Variants in CCDC85A observed in about 807,000 individuals in gnomAD.
The protein encoded by CCDC85A is coiled-coil domain-containing protein 85A.
A neutral mutation model predicts 50.2 loss-of-function variants in CCDC85A; 38 were observed. The ratio of observed to expected loss-of-function variants is 0.76; its 90% CI spans 0.58 to 0.99. The LOEUF (loss-of-function observed/expected upper bound fraction) is 0.99, where lower values mean the gene tolerates loss of function less well. Ranked by LOEUF, CCDC85A falls within the 50% of genes least tolerant of loss-of-function variation. CCDC85A has a pLI of 0.00. For missense variants in CCDC85A, 820 were observed against 742.0 expected, an observed-to-expected ratio of 1.11 and a Z score of -1.22; for synonymous variants, 366 against 301.4, an observed-to-expected ratio of 1.21 and a Z score of -2.22.
chr2:56,305,381 T>A (rs1367647322), intron 2 of CCDC85A, among the ~76,000 whole-genome samples: 1 of 152,150 alleles, frequency 6.6e-6, no homozygotes, highest in Non-Finnish European at 1.5e-5. Flanking sequence ...CACAGAGAGG[T>A]TAAGTAACCT....
intron 3 of CCDC85A, among the ~76,000 whole-genome samples, chr2:56,359,259 G>T (rs546200082): frequency 2.6e-5 from 4 of 152,166 alleles, no homozygotes; most frequent in Non-Finnish European, 5.9e-5. Flanking sequence ...TGAGCAAGAG[G>T]CAAGGTATTT....
At chr2:56,276,713 G>C (rs188274270) in intron 2 of CCDC85A, among the ~76,000 whole-genome samples, 1 of 152,172 alleles carries the variant, frequency 6.6e-6, no homozygotes, top group Non-Finnish European at 1.5e-5. Context: ...TGTCAGCAGC[G>C]TGAAAATGGA....
chr2:56,261,184 G>A (rs1670202908), intron 2 of CCDC85A, among the ~76,000 whole-genome samples: 2 of 152,168 alleles, frequency 1.3e-5, no homozygotes. Context: ...CTTCATCAGG[G>A]AGAATGTGAA....
intron 4 of CCDC85A, among the ~76,000 whole-genome samples, chr2:56,372,820 A>G (rs1164561152): frequency 1.3e-5 from 2 of 152,150 alleles, no homozygotes; most frequent in East Asian, 3.9e-4. Flanking sequence ...GCCCTTTAAA[A>G]TTGTCTACTG....
chr2:56,196,756 A>G (rs1302723197), intron 2 of CCDC85A, among the ~76,000 whole-genome samples: 1 of 152,206 alleles, frequency 6.6e-6, no homozygotes, highest in African/African-American at 2.4e-5. Flanking sequence ...TAATGAATGC[A>G]GAAGAAAAAA....
Position 56,184,878 on chromosome 2 carries a change from TCGGCGAGATCCG to T in CCDC85A, c.259_270del (p.Glu87_Gly90del), listed in dbSNP as rs1301395956. 1 of 1,525,422 alleles carries T rather than the reference TCGGCGAGATCCG, an allele frequency of 6.6e-7. No individual in the cohort carries two copies. Among genetic ancestry groups the T allele is most frequent in the African/African-American group, 1.4e-5 (1 of 70,580 alleles). The allele number at this position is 1,525,422 out of a possible 1,614,324, so 94.5% of individuals were successfully genotyped here. A position where few individuals can be genotyped will look rare whatever the true frequency, so the allele number is the denominator to read the frequency against. ...GTGAACCGCCGCCTGCAGCTGCACC[TCGGCGAGATCCG>T]CGGCCTCAAGGTGAGCGCGGGCCAG... On this transcript the variant is annotated inframe_deletion, in exon 1 of 6. Transcript: ENST00000407595.
At chr2:56,292,878 T>C (rs549249523) in intron 2 of CCDC85A, among the ~76,000 whole-genome samples, 1 of 152,346 alleles carries the variant, frequency 6.6e-6, no homozygotes, top group South Asian at 2.1e-4. Context: ...TGCAAACCTA[T>C]ATTGGCATCA....
At chr2:56,260,061 G>C (rs905649709) in intron 2 of CCDC85A, among the ~76,000 whole-genome samples, 2 of 152,120 alleles carry the variant, frequency 1.3e-5, no homozygotes, top group African/African-American at 4.8e-5. Context: ...ACCCAAACTA[G>C]CATTTAAGAC....
intron 2 of CCDC85A, among the ~76,000 whole-genome samples, chr2:56,333,484 T>C (rs914530575): frequency 6.6e-6 from 1 of 152,150 alleles, no homozygotes; most frequent in African/African-American, 2.4e-5. Flanking sequence ...CTGATGGACT[T>C]TTTAAGAACT....
At chr2:56,383,391 C>T (rs1676681962) in intron 5 of CCDC85A, among the ~76,000 whole-genome samples, 1 of 151,964 alleles carries the variant, frequency 6.6e-6, no homozygotes, top group Non-Finnish European at 1.5e-5. Context: ...TGTTATTGTG[C>T]ATGTGCACAT....
At chr2:56,378,151 A>G (rs1419945899) in intron 5 of CCDC85A, among the ~76,000 whole-genome samples, 1 of 152,138 alleles carries the variant, frequency 6.6e-6, no homozygotes, top group Non-Finnish European at 1.5e-5. Context: ...TGGCCACTTG[A>G]CATGTTTTGT....
At chr2:56,319,610 A>C (rs1673075193) in intron 2 of CCDC85A, among the ~76,000 whole-genome samples, 1 of 152,160 alleles carries the variant, frequency 6.6e-6, no homozygotes, top group South Asian at 2.1e-4. Flanking sequence ...AGCTGACACC[A>C]CAATGATGCT....
intron 2 of CCDC85A, among the ~76,000 whole-genome samples, chr2:56,234,324 G>A (rs1668906243): frequency 6.6e-6 from 1 of 152,126 alleles, no homozygotes; most frequent in Admixed American, 6.6e-5. Flanking sequence ...TTGGAGAGCA[G>A]GGTCTCTTTG....
intron 2 of CCDC85A, among the ~76,000 whole-genome samples, chr2:56,317,633 G>A (rs776327785): frequency 9.2e-5 from 14 of 152,094 alleles, no homozygotes; most frequent in Non-Finnish European, 1.5e-4. Flanking sequence ...CTGAAAAAGG[G>A]TGCTTATTTC....
chr2:56,378,539 T>C (rs1676443518), intron 5 of CCDC85A, among the ~76,000 whole-genome samples: 1 of 152,204 alleles, frequency 6.6e-6, no homozygotes, highest in Non-Finnish European at 1.5e-5. Context: ...GCACAGTCAG[T>C]GATTTTCTCT....
At chr2:56,301,922 A>G (rs1672222861) in intron 2 of CCDC85A, among the ~76,000 whole-genome samples, 1 of 152,192 alleles carries the variant, frequency 6.6e-6, no homozygotes, top group Non-Finnish European at 1.5e-5. Context: ...AAACCTGCAC[A>G]TTCTGCACAT....
intron 2 of CCDC85A, among the ~76,000 whole-genome samples, chr2:56,193,826 T>G (rs1026845454): frequency 7.2e-5 from 11 of 152,208 alleles, no homozygotes; most frequent in African/African-American, 2.7e-4. Flanking sequence ...AGAGCTTGTT[T>G]GTGGAATGGT....
intron 2 of CCDC85A, among the ~76,000 whole-genome samples, chr2:56,205,041 T>C (rs2103861435): frequency 6.6e-6 from 1 of 152,312 alleles, no homozygotes; most frequent in Non-Finnish European, 1.5e-5. Context: ...TGGCCATGTG[T>C]ATAGCATGTG....
chr2:56,258,105 G>A (rs1015689764), intron 2 of CCDC85A, among the ~76,000 whole-genome samples: 16 of 152,120 alleles, frequency 1.1e-4, no homozygotes, highest in African/African-American at 3.6e-4. Flanking sequence ...GAGTGAATTG[G>A]CTTCCGAGTA....
Sources: gnomAD v4.1 joint callset for allele counts (sites outside exome capture counted in the v4.1 genomes callset) on GRCh38, gnomAD v4.1.1 for gene constraint, MANE v1.5 for transcripts, NCBI Gene and HGNC (gene_info 2026-07-23, HGNC 2026-07-21) for gene names.